Variants in MAPK9 observed in about 807,000 individuals in gnomAD.
The protein encoded by MAPK9 is mitogen-activated protein kinase 9.
MAPK9 carries 30 observed loss-of-function variants against 57.1 expected under a neutral mutation model. The ratio of observed to expected loss-of-function variants is 0.53; its 90% CI spans 0.39 to 0.71. The LOEUF is 0.71. MAPK9 is among the 30% of genes least tolerant of loss of function. The probability of loss-of-function intolerance (pLI) is 0.00; values close to 1 mark genes in which losing one functional copy is unlikely to be tolerated. For synonymous variants in MAPK9, 155 were observed against 177.0 expected (o/e 0.88, Z 0.99); for missense variants, 362 against 521.0 (o/e 0.69, Z 2.97).
Position 180,233,873 on chromosome 5 carries a change from G to A in MAPK9, c.*2511C>T, listed in dbSNP as rs1262886844. ...GGGGTGGGCAAGGGGCCCTGTAAGA[G>A]GGCTTCCTCCTCTCAGTACTGGGGC... On this transcript the variant is annotated 3_prime_UTR_variant, in exon 12 of 12. Transcript: ENST00000452135. 2 of 152,348 alleles carry A rather than the reference G, an allele frequency of 1.3e-5. No individual in the cohort carries two copies. Among genetic ancestry groups the A allele is most frequent in the East Asian group, 1.9e-4 (1 of 5,180 alleles). The allele number at this position is 152,348 out of a possible 1,614,324, so 9.4% of individuals were successfully genotyped here. A position where few individuals can be genotyped will look rare whatever the true frequency, so the allele number is the denominator to read the frequency against.
chr5:180,271,236 T>C (rs1447446094), intron 2 of MAPK9, among the ~76,000 whole-genome samples: 1 of 152,256 alleles, frequency 6.6e-6, no homozygotes, highest in Non-Finnish European at 1.5e-5. Context: ...TCTAAGCATC[T>C]AAGTGGGCAT....
chr5:180,263,329 C>T (rs1760180409), intron 4 of MAPK9, among the ~76,000 whole-genome samples: 2 of 152,156 alleles, frequency 1.3e-5, no homozygotes, highest in African/African-American at 4.8e-5. Flanking sequence ...TCCTATTACC[C>T]CTCTGGGCCA....
chr5:180,272,061 G>C (rs867373421), intron 2 of MAPK9, among the ~76,000 whole-genome samples: 3 of 152,092 alleles, frequency 2.0e-5, no homozygotes, highest in African/African-American at 7.2e-5. Flanking sequence ...GCACTTCCTA[G>C]CTTCTTACAT....
At chr5:180,264,987 A>T in intron 3 of MAPK9, 148 bp from the exon 4 acceptor site, 2 of 576,814 alleles carry the variant, frequency 3.5e-6, no homozygotes, top group Non-Finnish European at 5.3e-6. Context: ...ATTACATGGC[A>T]TTTGAGAAAA....
In MAPK9 at chr5:180,253,228, G is replaced by A. The variant is rs369014773; in HGVS notation, c.451-4090C>T. Among the ~76,000 whole-genome samples, 6 of 152,350 alleles carry A rather than the reference G, an allele frequency of 3.9e-5. No individual in the cohort carries two copies. In the South Asian group the frequency reaches 6.2e-4, roughly 16 times the overall value. ...ACCAGGCCTCTGAGGGGCCAGGACT[G>A]CACTACGTTCAGCTAGCATTTGCTG... On this transcript the variant is annotated intron_variant, in intron 5 of 11. Coordinates refer to ENST00000452135, the MANE Select transcript of MAPK9 (RefSeq NM_002752.5).
intron 2 of MAPK9, among the ~76,000 whole-genome samples, chr5:180,270,761 G>C (rs994197610): frequency 1.3e-5 from 2 of 150,374 alleles, no homozygotes; most frequent in African/African-American, 4.9e-5. Context: ...TGAGGTGGGA[G>C]GACTGCTTGA....
At chr5:180,289,718 C>T (rs1763066099) in intron 1 of MAPK9, among the ~76,000 whole-genome samples, 1 of 152,188 alleles carries the variant, frequency 6.6e-6, no homozygotes, top group Non-Finnish European at 1.5e-5. Context: ...CTCACAGCTC[C>T]TCCCTCCCAC....
rs1762241103 is a variant in MAPK9 at position 180,280,621 on chromosome 5, A to G, written c.-47-13T>C. 6.3e-7 allele frequency: 1 copy of G among 1,585,596 alleles called. No homozygotes were observed. The highest frequency in any genetic ancestry group is 8.6e-7 in the Non-Finnish European group (1 of 1,163,864). On this transcript the variant is annotated splice_polypyrimidine_tract_variant and intron_variant, in intron 1 of 11. Transcript: ENST00000452135. ...AAGTTTCAGATCCCTTCAAAGAAAA[A>G]CAGAATGAACGTGCATTCTTACCGG...
intron 1 of MAPK9, among the ~76,000 whole-genome samples, chr5:180,283,083 G>T (rs943452872): frequency 2.0e-5 from 3 of 152,116 alleles, no homozygotes; most frequent in Non-Finnish European, 4.4e-5. Flanking sequence ...AAACATCAGA[G>T]GTGCGACACA....
At chr5:180,278,143 G>C (rs1459295019) in intron 2 of MAPK9, among the ~76,000 whole-genome samples, 1 of 152,230 alleles carries the variant, frequency 6.6e-6, no homozygotes, top group Non-Finnish European at 1.5e-5. Context: ...CAAAGTATCA[G>C]TGGTTCAAAG....
chr5:180,269,178 GCTTATC>G (rs1408106151), intron 3 of MAPK9, 96 bp downstream of exon 3: 1 of 1,246,838 alleles, frequency 8.0e-7, no homozygotes, highest in Non-Finnish European at 1.1e-6. Flanking sequence ...TTTATCCTTA[GCTTATC>G]CTAGGTCTGA....
chr5:180,238,578 A>T (rs1757375529), intron 10 of MAPK9, among the ~76,000 whole-genome samples, 175 bp from the exon 11 acceptor site: 1 of 147,106 alleles, frequency 6.8e-6, no homozygotes, highest in Non-Finnish European at 1.5e-5. Flanking sequence ...TCATATTTTG[A>T]TACATTATAT....
chr5:180,243,390 T>G (rs975964201), intron 7 of MAPK9, among the ~76,000 whole-genome samples: 1 of 152,228 alleles, frequency 6.6e-6, no homozygotes, highest in Admixed American at 6.5e-5. Flanking sequence ...ACTCAGTGTG[T>G]CAGGAAAGTC....
rs1554123055 is a variant in MAPK9, at chr5:180,253,963, C to CTCT, written c.451-4826_451-4825insAGA. 5.5e-5 allele frequency among the ~76,000 whole-genome samples: 6 copies of CTCT among 109,360 alleles called. No homozygotes were observed. In the East Asian group the frequency reaches 1.4e-3, roughly 26 times the overall value. 71.7% of individuals were successfully genotyped at this position (109,360 alleles called of 152,430 possible). On this transcript the variant is annotated intron_variant, in intron 5 of 11. Coordinates refer to ENST00000452135, the MANE Select transcript of MAPK9 (RefSeq NM_002752.5). The stretch of plus-strand genomic sequence containing the variant: ...CAGTCAGCCTTTAATGCTTCAATCT[C>CTCT]TTTTTTTTTTTTTTTTTTTTGAGAC...
At chr5:180,285,389 C>T (rs533396179) in intron 1 of MAPK9, among the ~76,000 whole-genome samples, 3 of 152,324 alleles carry the variant, frequency 2.0e-5, no homozygotes, top group African/African-American at 4.8e-5. Context: ...AGGACCAGCA[C>T]ACAGTCCTGC....
chr5:180,249,295 A>C (rs1244757833), intron 5 of MAPK9, among the ~76,000 whole-genome samples, 157 bp from the exon 6 acceptor site: 1 of 152,196 alleles, frequency 6.6e-6, no homozygotes, highest in Non-Finnish European at 1.5e-5. Context: ...CTCAAATTGA[A>C]ACTAAAACAA....
intron 1 of MAPK9, among the ~76,000 whole-genome samples, chr5:180,290,183 T>C (rs1032263638): frequency 2.0e-5 from 3 of 152,220 alleles, no homozygotes; most frequent in African/African-American, 4.8e-5. Context: ...TCTAGAAAAC[T>C]GCTGGGTAAG....
chr5:180,286,610 T>A (rs1293076507), intron 1 of MAPK9, among the ~76,000 whole-genome samples: 1 of 151,024 alleles, frequency 6.6e-6, no homozygotes, highest in Non-Finnish European at 1.5e-5. Context: ...CACTGTTGGA[T>A]CCATAGGACC....
intron 8 of MAPK9, 54 bp from the exon 9 acceptor site, chr5:180,241,209 C>A: frequency 6.6e-7 from 1 of 1,516,960 alleles, no homozygotes; most frequent in Non-Finnish European, 9.0e-7. Flanking sequence ...CAAACAGAAT[C>A]ATACAATAAA....
Sources: gnomAD v4.1 joint callset for allele counts (sites outside exome capture counted in the v4.1 genomes callset) on GRCh38, gnomAD v4.1.1 for gene constraint, MANE v1.5 for transcripts, NCBI Gene and HGNC (gene_info 2026-07-23, HGNC 2026-07-21) for gene names.